Variants in SLC30A6 observed in about 807,000 individuals in gnomAD.
SLC30A6 encodes the protein solute carrier family 30 member 6, also known as zinc transporter 6.
A neutral mutation model predicts 63.0 loss-of-function variants in SLC30A6; 55 were observed. The ratio of observed to expected loss-of-function variants is 0.87; its 90% CI spans 0.70 to 1.09. The LOEUF is 1.09. SLC30A6 is among the 50% of genes least tolerant of loss of function. The pLI, the probability that SLC30A6 is intolerant of heterozygous loss-of-function variation, is 0.00. For missense variants in SLC30A6, 587 were observed against 549.2 expected (o/e 1.07, Z -0.69); for synonymous variants, 224 against 186.1 (o/e 1.20, Z -1.66).
At chr2:32,181,079 G>C (rs1682266909) in intron 4 of SLC30A6, among the ~76,000 whole-genome samples, 1 of 152,104 alleles carries the variant, frequency 6.6e-6, no homozygotes, top group Non-Finnish European at 1.5e-5. Flanking sequence ...TTTACAAAGA[G>C]GTGTAGAAAT....
intron 13 of SLC30A6, among the ~76,000 whole-genome samples, chr2:32,218,520 C>CTTTTGTTTTGTTTTG (rs57425197): frequency 8.0e-4 from 114 of 143,208 alleles, no homozygotes; most frequent in East Asian, 4.2e-3. Flanking sequence ...CAGCTCTCCT[C>CTTTTGTTTTGTTTTG]TTTTGTTTTG....
intron 13 of SLC30A6, among the ~76,000 whole-genome samples, chr2:32,213,933 A>G (rs1172037829): frequency 6.6e-6 from 1 of 151,910 alleles, no homozygotes; most frequent in Non-Finnish European, 1.5e-5. Flanking sequence ...CCTCCCAAGT[A>G]GATAAAAACT....
chr2:32,203,581 C>T, intron 10 of SLC30A6: 1 of 1,598,842 alleles, frequency 6.3e-7, no homozygotes, highest in Admixed American at 1.7e-5. Flanking sequence ...TCTGGAAAGC[C>T]TAGAGGAAAT....
At chr2:32,178,500 T>TC (rs1681993323) in intron 4 of SLC30A6, among the ~76,000 whole-genome samples, 1 of 151,942 alleles carries the variant, frequency 6.6e-6, no homozygotes. Flanking sequence ...ATGACAAAAC[T>TC]CCATCTCTAC....
chr2:32,183,172 G>A (rs867303007), intron 4 of SLC30A6, among the ~76,000 whole-genome samples: 7 of 151,994 alleles, frequency 4.6e-5, no homozygotes, highest in South Asian at 2.1e-4. Context: ...GGGCGATAGA[G>A]TGAGACTCCA....
At chr2:32,186,030 CT>C (rs1278679360) in intron 5 of SLC30A6, among the ~76,000 whole-genome samples, 13 of 151,422 alleles carry the variant, frequency 8.6e-5, no homozygotes, top group African/African-American at 2.4e-4. Context: ...CACACCCAGA[CT>C]TTTTTTCTTT....
intron 10 of SLC30A6, chr2:32,202,493 C>CT (rs1684385070): frequency 3.6e-6 from 1 of 274,576 alleles, no homozygotes; most frequent in Non-Finnish European, 7.0e-6. Flanking sequence ...CCACCCCCGA[C>CT]TATTTTTTTT....
Position 32,175,341 on chromosome 2 carries a change from G to C in SLC30A6, c.198G>C (p.Leu66=). The change falls in exon 4 of 14, where the codon CTG becomes CTC. Residue 66 remains leucine, a synonymous_variant. Transcript: ENST00000282587. ...CAGCTTTAACTGCCTATACTTACCT[G>C]ACCATTTTTGATCTTTTTAGGTAAG... ...NSIALTAYTY[L]TIFDLFSLMT... 6.2e-7 allele frequency: 1 copy of C among 1,611,472 alleles called. No individual in the cohort carries two copies. The highest frequency in any genetic ancestry group is 8.5e-7 in the Non-Finnish European group (1 of 1,179,278).
At chr2:32,195,341 C>G (rs140705605) in intron 8 of SLC30A6, among the ~76,000 whole-genome samples, 111 of 152,258 alleles carry the variant, frequency 7.3e-4, no homozygotes, top group Non-Finnish European at 1.4e-3. Context: ...GCCGGGATTA[C>G]AGGTGTGAGC....
At chr2:32,170,900 A>G (rs1681144792) in intron 1 of SLC30A6, among the ~76,000 whole-genome samples, 1 of 152,198 alleles carries the variant, frequency 6.6e-6, no homozygotes, top group Admixed American at 6.5e-5. Flanking sequence ...GCACAACCAC[A>G]TATATAGCTT....
chr2:32,168,106 A>G (rs759200397), intron 1 of SLC30A6, among the ~76,000 whole-genome samples: 6 of 152,234 alleles, frequency 3.9e-5, no homozygotes, highest in Non-Finnish European at 7.3e-5. Flanking sequence ...AGTATTAGTC[A>G]TGCAGGGAAA....
At position 32,216,513 on chromosome 2, in the gene SLC30A6, G is replaced by C. The variant is rs1190899038; in HGVS notation, c.886-3700G>C. 7.3e-5 allele frequency among the ~76,000 whole-genome samples: 11 copies of C among 150,492 alleles called. 2 individuals are homozygous for C. Among genetic ancestry groups the C allele is most frequent in the Middle Eastern group, 3.5e-3 (1 of 286 alleles). On this transcript the variant is annotated intron_variant, in intron 13 of 13. Coordinates refer to ENST00000282587, the MANE Select transcript of SLC30A6 (RefSeq NM_017964.5). ...ATTGCGCCACTGCACTCCAGCCTGGGCAAGAGAGCAAGACTCTCTCAAAAT... is the reference window on the plus strand; with the variant it reads ...ATTGCGCCACTGCACTCCAGCCTGGCCAAGAGAGCAAGACTCTCTCAAAAT...
At chr2:32,173,627 G>A (rs1681438104) in intron 2 of SLC30A6, among the ~76,000 whole-genome samples, 1 of 152,166 alleles carries the variant, frequency 6.6e-6, no homozygotes, top group African/African-American at 2.4e-5. Context: ...GCCTCCCAAA[G>A]TGCTGGGATT....
chr2:32,215,516 AT>A (rs10681739), intron 13 of SLC30A6, among the ~76,000 whole-genome samples: 3,642 of 132,392 alleles, frequency 0.028, 138 homozygotes, highest in African/African-American at 0.075. Flanking sequence ...ATATATATAT[AT>A]TTTTTTTTTT....
chr2:32,168,166 A>G (rs565814753), intron 1 of SLC30A6, among the ~76,000 whole-genome samples: 61 of 152,108 alleles, frequency 4.0e-4, no homozygotes, highest in African/African-American at 1.2e-3. Context: ...TTTTGCGTTT[A>G]TTAAGAACAT....
chr2:32,200,515 ATTC>A (rs1313920744), intron 10 of SLC30A6, among the ~76,000 whole-genome samples: 1 of 151,230 alleles, frequency 6.6e-6, no homozygotes, highest in Non-Finnish European at 1.5e-5. Context: ...ACTAAGAAAA[ATTC>A]TTCTGCCTTG....
intron 12 of SLC30A6, among the ~76,000 whole-genome samples, chr2:32,208,384 A>T (rs1197824976): frequency 6.8e-6 from 1 of 146,724 alleles, no homozygotes; most frequent in African/African-American, 2.5e-5. Context: ...GCCCCTTGTG[A>T]CCTCCCAAAA....
intron 5 of SLC30A6, among the ~76,000 whole-genome samples, chr2:32,188,114 A>G (rs572710106): frequency 3.9e-5 from 6 of 152,128 alleles, no homozygotes; most frequent in African/African-American, 9.7e-5. Context: ...CATGGCCTCT[A>G]TAGGATACTG....
At chr2:32,216,809 TTGTC>T (rs1321868693) in intron 13 of SLC30A6, among the ~76,000 whole-genome samples, 1 of 152,134 alleles carries the variant, frequency 6.6e-6, no homozygotes. Flanking sequence ...TATCAGATCT[TTGTC>T]TGATGCATAG....
Sources: gnomAD v4.1 joint callset for allele counts (sites outside exome capture counted in the v4.1 genomes callset) on GRCh38, gnomAD v4.1.1 for gene constraint, MANE v1.5 for transcripts, NCBI Gene and HGNC (gene_info 2026-07-23, HGNC 2026-07-21) for gene names.